Variants in NLGN4X observed in about 807,000 individuals in gnomAD.
NLGN4X encodes neuroligin 4 X-linked, also known as neuroligin-4, X-linked.
Under a neutral mutation model 40.3 loss-of-function variants are expected in NLGN4X, and 3 were observed. The ratio of observed to expected loss-of-function variants is 0.07; its 90% CI spans 0.03 to 0.19. The LOEUF (loss-of-function observed/expected upper bound fraction) is 0.19. Among genes scored for constraint, NLGN4X ranks in the 10% least tolerant of loss-of-function variants. The probability of loss-of-function intolerance (pLI) is 1.00; values close to 1 mark genes in which losing one functional copy is unlikely to be tolerated. For synonymous variants in NLGN4X, 270 were observed against 306.8 expected (o/e 0.88, Z 1.25); for missense variants, 382 against 708.3 (o/e 0.54, Z 5.23).
intron 1 of NLGN4X, among the ~76,000 whole-genome samples, chrX:6,154,654 T>C (rs1391970957): frequency 8.9e-6 from 1 of 112,027 alleles, no homozygotes; most frequent in Non-Finnish European, 1.9e-5. Context: ...ACAAAATGAA[T>C]TCTAAAATTG....
intron 2 of NLGN4X, among the ~76,000 whole-genome samples, chrX:6,107,921 A>T (rs2039066278): frequency 8.9e-6 from 1 of 112,028 alleles, no homozygotes; most frequent in East Asian, 2.8e-4. Context: ...TGTGTTGTAG[A>T]TGTACTACAT....
At chrX:6,206,124 GAC>G (rs759699583) in intron 1 of NLGN4X, among the ~76,000 whole-genome samples, 1 of 109,895 alleles carries the variant, frequency 9.1e-6, no homozygotes, top group African/African-American at 3.3e-5. Context: ...TGAATTATGA[GAC>G]CCCCCACTCC....
intron 3 of NLGN4X, among the ~76,000 whole-genome samples, chrX:5,978,398 C>CTTCCT (rs908607509): frequency 4.7e-5 from 5 of 106,227 alleles, no homozygotes; most frequent in Non-Finnish European, 9.6e-5. Context: ...CTATCTCTCT[C>CTTCCT]TTCCTTTCCT....
At chrX:5,989,849 C>T (rs1411778690) in intron 3 of NLGN4X, among the ~76,000 whole-genome samples, 4 of 111,469 alleles carry the variant, frequency 3.6e-5, no homozygotes, top group Admixed American at 9.6e-5. Flanking sequence ...CCTATACCTG[C>T]ATGCCCATGA....
chrX:6,027,140 C>T lies in NLGN4X; in HGVS notation c.625+2140G>A, dbSNP rs1418735322. Among the ~76,000 whole-genome samples the T allele has an allele frequency of 3.6e-5, 4 of 112,158 alleles. No homozygotes were observed. In the East Asian group the frequency reaches 1.1e-3, roughly 31 times the overall value. ...CCGTGTGGCCGTGCTACAGGCAGTG[C>T]ACACACTGCTCCCTTTGAAGAGGGC... On this transcript the variant is annotated intron_variant, in intron 3 of 5. Coordinates refer to ENST00000381095, the MANE Select transcript of NLGN4X (RefSeq NM_181332.3).
At chrX:6,189,785 G>A (rs1922382488) in intron 1 of NLGN4X, among the ~76,000 whole-genome samples, 1 of 110,528 alleles carries the variant, frequency 9.0e-6, no homozygotes, top group South Asian at 3.9e-4. Flanking sequence ...TTGGGTTCCT[G>A]TTCCAAAGGC....
chrX:5,992,609 TAAAA>T (rs767678814), intron 3 of NLGN4X, among the ~76,000 whole-genome samples: 1 of 110,375 alleles, frequency 9.1e-6, no homozygotes, highest in East Asian at 2.9e-4. Context: ...ATTAGAAAAA[TAAAA>T]AAGAAAAGAA....
In NLGN4X at chrX:6,148,050, A is replaced by T. The variant is rs2040087378; in HGVS notation, c.472+2945T>A. Among the ~76,000 whole-genome samples the T allele has an allele frequency of 2.7e-5, 3 of 112,250 alleles. No individual in the cohort carries two copies. The South Asian group carries it at 1.1e-3, about 41-fold the overall frequency. ...AAGTATTGTTTTCTACAGAAAAAAA[A>T]TATATGTTTCATAAACTATTGTACT... On this transcript the variant is annotated intron_variant, in intron 2 of 5. Coordinates refer to ENST00000381095, the MANE Select transcript of NLGN4X (RefSeq NM_181332.3).
chrX:6,038,219 G>A (rs897008671), intron 2 of NLGN4X, among the ~76,000 whole-genome samples: 6 of 111,693 alleles, frequency 5.4e-5, no homozygotes, highest in Non-Finnish European at 9.4e-5. Context: ...TTCTAAATAT[G>A]CACAGAAGAT....
intron 1 of NLGN4X, among the ~76,000 whole-genome samples, chrX:6,212,565 T>C (rs1924709695): frequency 8.9e-6 from 1 of 111,837 alleles, no homozygotes. Flanking sequence ...GACACTAGGA[T>C]GAGTGTTGGG....
chrX:5,969,991 G>A (rs1291536739), intron 3 of NLGN4X, among the ~76,000 whole-genome samples: 1 of 91,741 alleles, frequency 1.1e-5, no homozygotes, highest in Non-Finnish European at 2.1e-5. Flanking sequence ...CATGGACACA[G>A]GAATGGGAAC....
At chrX:6,103,788 C>T (rs2038974243) in intron 2 of NLGN4X, among the ~76,000 whole-genome samples, 1 of 111,886 alleles carries the variant, frequency 8.9e-6, no homozygotes, top group Admixed American at 9.5e-5. Context: ...AGAATGTTAT[C>T]AAATTTGATT....
At chrX:6,131,027 T>C (rs1002024746) in intron 2 of NLGN4X, among the ~76,000 whole-genome samples, 4 of 111,884 alleles carry the variant, frequency 3.6e-5, no homozygotes, top group African/African-American at 1.3e-4. Flanking sequence ...AGTAAATACA[T>C]GTTTTTCTGC....
chrX:6,045,104 A>T (rs1176386964), intron 2 of NLGN4X, among the ~76,000 whole-genome samples: 2 of 112,387 alleles, frequency 1.8e-5, no homozygotes, highest in Non-Finnish European at 3.8e-5. Flanking sequence ...GAGTAAAGGG[A>T]CGCAACCAGT....
intron 2 of NLGN4X, among the ~76,000 whole-genome samples, chrX:6,052,830 T>C (rs886596017): frequency 1.8e-5 from 2 of 112,680 alleles, no homozygotes; most frequent in African/African-American, 3.2e-5. Context: ...GTAGATTCCA[T>C]AGAAGCTTCT....
intron 2 of NLGN4X, among the ~76,000 whole-genome samples, chrX:6,043,177 T>C (rs895699553): frequency 9.6e-6 from 1 of 104,706 alleles, no homozygotes; most frequent in African/African-American, 3.5e-5. Context: ...GTATATATAT[T>C]AACCTCTACA....
chrX:6,114,683 TTTC>T lies in NLGN4X; in HGVS notation c.472+36309_472+36311del, dbSNP rs2039236815. Among the ~76,000 whole-genome samples, 3 of 111,682 alleles carry T rather than the reference TTTC, an allele frequency of 2.7e-5. No individual in the cohort carries two copies. The South Asian group carries it at 1.1e-3, about 41-fold the overall frequency. On this transcript the variant is annotated intron_variant, in intron 2 of 5. Transcript: ENST00000381095. ...ACTAAACACTACATATGAGGATTTT[TTTC>T]TTAATACATACAATCATTAAAAAGA...
In NLGN4X at chrX:5,993,357, T is replaced by C. The variant is rs764565703; in HGVS notation, c.625+35923A>G. Reference sequence around the variant, plus strand: ...ATATGAGTAAGAAAAAAACATTAACTTAGAGCAGGGTTTATTAATGTCAGC... The same window carrying C: ...ATATGAGTAAGAAAAAAACATTAACCTAGAGCAGGGTTTATTAATGTCAGC... On this transcript the variant is annotated intron_variant, in intron 3 of 5. Coordinates refer to ENST00000381095, the MANE Select transcript of NLGN4X (RefSeq NM_181332.3). Among the ~76,000 whole-genome samples the C allele has an allele frequency of 4.5e-5, 5 of 111,504 alleles. 1 individual carries two copies. The highest frequency in any genetic ancestry group is 1.3e-4 in the African/African-American group (4 of 30,720).
At chrX:6,021,751 T>TTTG (rs1310885483) in intron 3 of NLGN4X, among the ~76,000 whole-genome samples, 3 of 110,514 alleles carry the variant, frequency 2.7e-5, no homozygotes, top group African/African-American at 9.9e-5. Context: ...TTGTTTTTTT[T>TTTG]TTTGTTTTGC....
Sources: allele counts gnomAD v4.1 joint callset (sites outside exome capture counted in the v4.1 genomes callset), GRCh38; gene constraint gnomAD v4.1.1; transcripts MANE v1.5; gene names NCBI Gene and HGNC (gene_info 2026-07-23, HGNC 2026-07-21).